HEPHL1: variants seen among roughly 807,000 people sequenced by gnomAD.
HEPHL1 encodes the protein hephaestin like 1.
In HEPHL1, 123 loss-of-function variants were observed where a neutral mutation model predicts 122.0. The ratio of observed to expected loss-of-function variants is 1.01; its 90% CI spans 0.87 to 1.17. HEPHL1 has a LOEUF of 1.17. Among genes scored for constraint, HEPHL1 ranks in the 50% most tolerant of loss-of-function variants. The pLI is 0.00. For synonymous variants in HEPHL1, 527 were observed against 508.9 expected, an observed-to-expected ratio of 1.04 and a Z score of -0.48; for missense variants, 1,452 against 1,430.5, an observed-to-expected ratio of 1.01 and a Z score of -0.24.
chr11:94,083,054 C>T (rs1946185154), intron 10 of HEPHL1, among the ~76,000 whole-genome samples: 1 of 146,986 alleles, frequency 6.8e-6, no homozygotes, highest in Non-Finnish European at 1.5e-5. Context: ...TGCCACTGCA[C>T]AGCCTGGGCG....
At chr11:94,073,851 T>C (rs1485614083) in intron 8 of HEPHL1, among the ~76,000 whole-genome samples, 1 of 152,134 alleles carries the variant, frequency 6.6e-6, no homozygotes, top group Non-Finnish European at 1.5e-5. Flanking sequence ...TTTGTTGACA[T>C]CGAAATCTTA....
At chr11:94,032,874 A>C (rs1591461214) in intron 1 of HEPHL1, among the ~76,000 whole-genome samples, 1 of 152,136 alleles carries the variant, frequency 6.6e-6, no homozygotes, top group African/African-American at 2.4e-5. Flanking sequence ...TTTAACTGGT[A>C]TATGACCTTC....
At position 94,045,928 on chromosome 11, in the gene HEPHL1, AT is replaced by A; in HGVS notation, c.415+12del. The A allele has an allele frequency of 1.2e-6, 2 of 1,612,238 alleles. No individual in the cohort carries two copies. The highest frequency in any genetic ancestry group is 8.5e-7 in the Non-Finnish European group (1 of 1,179,048). On this transcript the variant is annotated intron_variant, in intron 2 of 19. Coordinates refer to ENST00000315765, the MANE Select transcript of HEPHL1 (RefSeq NM_001098672.2). ...ACAAAGATTCAGAAGGTAAATATCA[AT>A]CCTTTATTACTGGGGTCTTGTCTCT...
intron 13 of HEPHL1, among the ~76,000 whole-genome samples, chr11:94,096,190 T>C (rs1177447513): frequency 6.6e-6 from 1 of 152,208 alleles, no homozygotes; most frequent in Non-Finnish European, 1.5e-5. Context: ...TTGAGATACA[T>C]CCCATGAATA....
intron 8 of HEPHL1, among the ~76,000 whole-genome samples, chr11:94,074,394 TA>T (rs1946102979): frequency 1.3e-5 from 2 of 152,090 alleles, no homozygotes; most frequent in Non-Finnish European, 2.9e-5. Flanking sequence ...GCCACTGTAC[TA>T]CAGCCTGGGT....
rs971910805 is a variant in HEPHL1, at chr11:94,045,767, A to T, written c.265A>T (p.Ile89Leu). The T allele has an allele frequency of 1.2e-6, 2 of 1,613,980 alleles. No homozygotes were observed. Among genetic ancestry groups the T allele is most frequent in the Non-Finnish European group, 1.7e-6 (2 of 1,179,876 alleles). Residue 89 changes from isoleucine to leucine, a missense_variant, in exon 2 of 20, where the codon ATA becomes TTA. Physicochemically the swap from Ile to Leu is conservative, Grantham distance 5. Transcript: ENST00000315765. ...ACGCTTCACGGATGGAACCTACTCC[A>T]TAGAGATCCCCAAACCTCCCTGGCT... is the stretch of plus-strand genomic sequence containing the variant. The part of the protein sequence containing the change: ...YRRFTDGTYS[I>L]EIPKPPWLGF...
At chr11:94,078,956 T>C (rs1402334549) in intron 9 of HEPHL1, among the ~76,000 whole-genome samples, 1 of 152,148 alleles carries the variant, frequency 6.6e-6, no homozygotes, top group East Asian at 1.9e-4. Context: ...CAGGGTTCTG[T>C]CACCTTCCTT....
At chr11:94,100,515 A>T (rs563235535) in intron 13 of HEPHL1, among the ~76,000 whole-genome samples, 1 of 152,340 alleles carries the variant, frequency 6.6e-6, no homozygotes, top group Non-Finnish European at 1.5e-5. Flanking sequence ...GGGGCTGAAG[A>T]GTGCTTGTCT....
intron 4 of HEPHL1, among the ~76,000 whole-genome samples, chr11:94,065,822 CT>C (rs1946028759): frequency 6.6e-6 from 1 of 152,138 alleles, no homozygotes; most frequent in Admixed American, 6.6e-5. Flanking sequence ...TGTATTTATT[CT>C]TTTGAAGTGA....
Position 94,086,029 on chromosome 11 carries a change from G to C in HEPHL1, c.1920G>C (p.Arg640Ser). The change falls in exon 11 of 20, where the codon AGG becomes AGC. Residue 640 changes from arginine (R) to serine (S), a missense_variant. Transcript: ENST00000315765. ...GNQPGLNMCK[R>S]DRVSWHLIGL... ...AGCCAGGCTTAAACATGTGTAAAAGGGATAGAGTTTCCTGGCATCTGATTG... is the reference window on the plus strand; with the variant it reads ...AGCCAGGCTTAAACATGTGTAAAAGCGATAGAGTTTCCTGGCATCTGATTG... The C allele has an allele frequency of 1.2e-6, 2 of 1,613,884 alleles. No individual in the cohort carries two copies. Among genetic ancestry groups the C allele is most frequent in the Non-Finnish European group, 1.7e-6 (2 of 1,179,858 alleles).
Position 94,106,049 on chromosome 11 carries a change from G to A in HEPHL1, c.2964G>A (p.Met988Ile). The change falls in exon 17 of 20, where the codon ATG becomes ATA. Residue 988 changes from methionine (M) to isoleucine (I), a missense_variant. Physicochemically the swap from Met to Ile is conservative, Grantham distance 10. Coordinates refer to ENST00000315765, the MANE Select transcript of HEPHL1 (RefSeq NM_001098672.2). The stretch of plus-strand genomic sequence containing the variant: ...GCCTCATAATGAACGAAGATACAAT[G>A]ACAAACTGGTATTTGTTAGGGATAG... ...LHGLIMNEDT[M>I]TNWYLLGIGS... The A allele has an allele frequency of 1.2e-6, 2 of 1,600,964 alleles. No individual in the cohort carries two copies. Among genetic ancestry groups the A allele is most frequent in the Non-Finnish European group, 1.7e-6 (2 of 1,171,012 alleles).
chr11:94,086,119 G>C lies in HEPHL1; in HGVS notation c.2010G>C (p.Gly670=). ...AAGGGAACACCATCCACCTACGAGG[G>C]ACTCACCGAGACTCCCTGGCCCTGT... ...VFQGNTIHLR[G]THRDSLALFP... The change falls in exon 11 of 20, where the codon GGG becomes GGC. Residue 670 remains glycine (G), a synonymous_variant. Coordinates refer to ENST00000315765, the MANE Select transcript of HEPHL1 (RefSeq NM_001098672.2). 1 of 1,612,776 alleles carries C rather than the reference G, an allele frequency of 6.2e-7. No individual in the cohort carries two copies. Among genetic ancestry groups the C allele is most frequent in the Non-Finnish European group, 8.5e-7 (1 of 1,179,642 alleles).
At chr11:94,076,337 C>T (rs1409343896) in intron 9 of HEPHL1, among the ~76,000 whole-genome samples, 1 of 152,170 alleles carries the variant, frequency 6.6e-6, no homozygotes, top group Non-Finnish European at 1.5e-5. Flanking sequence ...CCAGGAAATA[C>T]ACCTAGTAAG....
Position 94,102,907 on chromosome 11 carries a change from A to T in HEPHL1, c.2576-7A>T. On this transcript the variant is annotated splice_region_variant and splice_polypyrimidine_tract_variant and intron_variant, in intron 14 of 19. Coordinates refer to ENST00000315765, the MANE Select transcript of HEPHL1 (RefSeq NM_001098672.2). Reference sequence around the variant, plus strand: ...CTAATAAATTTTTTCCATTTCATTTATTACAGGAGAAGTAAAAACTTATAG... The same window carrying T: ...CTAATAAATTTTTTCCATTTCATTTTTTACAGGAGAAGTAAAAACTTATAG... 1 of 1,435,442 alleles carries T rather than the reference A, an allele frequency of 7.0e-7. No homozygotes were observed. The highest frequency in any genetic ancestry group is 9.8e-7 in the Non-Finnish European group (1 of 1,021,672). The allele number at this position is 1,435,442 out of a possible 1,614,324, so 88.9% of individuals were successfully genotyped here.
intron 7 of HEPHL1, 42 bp from the exon 8 acceptor site, chr11:94,073,266 C>T (rs750597871): frequency 1.9e-6 from 3 of 1,607,424 alleles, no homozygotes; most frequent in Non-Finnish European, 2.5e-6. Flanking sequence ...CTTTCTGTCT[C>T]TTTTCATTCT....
intron 2 of HEPHL1, among the ~76,000 whole-genome samples, chr11:94,059,175 C>T (rs1044211486): frequency 2.6e-5 from 4 of 152,002 alleles, no homozygotes; most frequent in African/African-American, 9.7e-5. Flanking sequence ...TGCTATAATG[C>T]TTTCTGTTTT....
At chr11:94,038,004 C>T (rs1414801075) in intron 1 of HEPHL1, among the ~76,000 whole-genome samples, 1 of 146,948 alleles carries the variant, frequency 6.8e-6, no homozygotes. Context: ...ACTAGAATAA[C>T]CAATACAGAG....
intron 6 of HEPHL1, among the ~76,000 whole-genome samples, chr11:94,071,253 C>A (rs1237378005): frequency 6.6e-6 from 1 of 152,046 alleles, no homozygotes; most frequent in Non-Finnish European, 1.5e-5. Flanking sequence ...TATCAAGAAT[C>A]CTTTTTTATA....
At chr11:94,050,653 TTG>T (rs1265994232) in intron 2 of HEPHL1, among the ~76,000 whole-genome samples, 1 of 152,158 alleles carries the variant, frequency 6.6e-6, no homozygotes, top group African/African-American at 2.4e-5. Flanking sequence ...CATTTATCCT[TTG>T]TGTTTCAGAC....
Sources: gnomAD v4.1 joint callset for allele counts (sites outside exome capture counted in the v4.1 genomes callset) on GRCh38, gnomAD v4.1.1 for gene constraint, MANE v1.5 for transcripts, NCBI Gene and HGNC (gene_info 2026-07-23, HGNC 2026-07-21) for gene names.